The following OCIAD1 variants were observed in gnomAD, a reference collection of about 807,000 sequenced individuals.
OCIAD1 encodes OCIA domain containing 1, also known as OCIA domain-containing protein 1.
A neutral mutation model predicts 38.9 loss-of-function variants in OCIAD1; 29 were observed. The observed-to-expected ratio is 0.74, with a 90% CI of 0.55 to 1.02. The LOEUF (loss-of-function observed/expected upper bound fraction) is 1.02. Ranked by LOEUF, OCIAD1 falls within the 50% of genes least tolerant of loss-of-function variation. OCIAD1 has a pLI of 0.00. For synonymous variants in OCIAD1, 110 were observed against 92.0 expected, an observed-to-expected ratio of 1.20 and a Z score of -1.12; for missense variants, 288 against 289.6, an observed-to-expected ratio of 0.99 and a Z score of 0.04.
upstream of OCIAD1, among the ~76,000 whole-genome samples, chr4:48,826,869 C>G (rs550646777): frequency 4.8e-4 from 73 of 152,260 alleles, no homozygotes; most frequent in Middle Eastern, 3.4e-3. Flanking sequence ...TTTTCTCAAC[C>G]CATTGTAATC....
intron 4 of OCIAD1, among the ~76,000 whole-genome samples, chr4:48,845,209 G>A (rs528819461): frequency 1.3e-5 from 2 of 152,176 alleles, no homozygotes; most frequent in South Asian, 4.2e-4. Flanking sequence ...CCTCATATTT[G>A]AAGCCAGAGG....
At chr4:48,850,790 G>C (rs1021651182) in intron 6 of OCIAD1, among the ~76,000 whole-genome samples, 1 of 152,086 alleles carries the variant, frequency 6.6e-6, no homozygotes, top group Non-Finnish European at 1.5e-5. Flanking sequence ...TACCAGGCTG[G>C]TCTCAAACTC....
In OCIAD1 at chr4:48,832,758, G is replaced by A; in HGVS notation, c.58+76G>A. The A allele has an allele frequency of 2.7e-6, 3 of 1,098,824 alleles. No individual in the cohort carries two copies. In the Admixed American group the frequency reaches 5.1e-5, roughly 19 times the overall value. The allele number at this position is 1,098,824 out of a possible 1,614,324, so 68.1% of individuals were successfully genotyped here. ...ATTTTCACTGCCTTGAGTAACAGTGGCAGGTGGGCTGGCTTCATGGGCATG... is the reference window on the plus strand; with the variant it reads ...ATTTTCACTGCCTTGAGTAACAGTGACAGGTGGGCTGGCTTCATGGGCATG... On this transcript the variant is annotated intron_variant, in intron 2 of 8. Transcript: ENST00000264312.
intron 1 of OCIAD1, among the ~76,000 whole-genome samples, chr4:48,810,208 A>G (rs1186448544): frequency 6.6e-6 from 1 of 152,132 alleles, no homozygotes; most frequent in Non-Finnish European, 1.5e-5. Flanking sequence ...TGTGTTTAAG[A>G]GATGAGATCC....
upstream of OCIAD1, among the ~76,000 whole-genome samples, chr4:48,829,101 A>G (rs898752539): frequency 5.9e-5 from 9 of 152,262 alleles, no homozygotes; most frequent in African/African-American, 1.2e-4. Context: ...CTCTTCTACA[A>G]ATAAAAAAAT....
chr4:48,853,789 A>G (rs978184088), intron 7 of OCIAD1, among the ~76,000 whole-genome samples: 1 of 152,230 alleles, frequency 6.6e-6, no homozygotes, highest in East Asian at 1.9e-4. Flanking sequence ...ATCATTGCAG[A>G]AAGTTATGTT....
chr4:48,815,153 A>G (rs1020082463), intron 1 of OCIAD1, among the ~76,000 whole-genome samples: 6 of 152,074 alleles, frequency 3.9e-5, no homozygotes, highest in African/African-American at 1.4e-4. Flanking sequence ...CTCTACTAAA[A>G]ATACAAAAAA....
In OCIAD1 at chr4:48,850,085, A is replaced by G; in HGVS notation, c.377+3A>G. ...GCACGACGATCTTCACCACCTGGGT[A>G]GGCCAGATTCTGATCTTTACTTAAG... On this transcript the variant is annotated splice_donor_region_variant and intron_variant, in intron 6 of 8. Transcript: ENST00000264312. The G allele has an allele frequency of 6.2e-7, 1 of 1,610,708 alleles. No homozygotes were observed. The highest frequency in any genetic ancestry group is 1.7e-5 in the Admixed American group (1 of 59,126).
upstream of OCIAD1, among the ~76,000 whole-genome samples, chr4:48,828,614 A>G (rs1777275834): frequency 1.3e-5 from 2 of 152,158 alleles, no homozygotes. Context: ...ACCTGGAGGG[A>G]TTAACAACTC....
chr4:48,842,847 C>T (rs1246657983), intron 4 of OCIAD1, among the ~76,000 whole-genome samples, 158 bp downstream of exon 4: 1 of 152,060 alleles, frequency 6.6e-6, no homozygotes, highest in Non-Finnish European at 1.5e-5. Flanking sequence ...TCTGTGGACC[C>T]ACTGGCTCAA....
At chr4:48,839,815 G>A (rs1778363984) in intron 3 of OCIAD1, among the ~76,000 whole-genome samples, 1 of 152,062 alleles carries the variant, frequency 6.6e-6, no homozygotes, top group Non-Finnish European at 1.5e-5. Context: ...CTAGGTTTTG[G>A]TCAGCAGTAT....
At chr4:48,806,856 G>T (rs1347142875) in intron 1 of OCIAD1, among the ~76,000 whole-genome samples, 2 of 152,108 alleles carry the variant, frequency 1.3e-5, no homozygotes, top group Admixed American at 1.3e-4. Context: ...CACCCACCTC[G>T]GCCTCCCGAA....
intron 3 of OCIAD1, among the ~76,000 whole-genome samples, chr4:48,842,395 C>G (rs1019886541): frequency 3.9e-5 from 6 of 152,102 alleles, no homozygotes; most frequent in African/African-American, 1.4e-4. Context: ...GGAACCTAAG[C>G]CTAGATGGTT....
At chr4:48,818,365 G>T (rs182105748) in intron 1 of OCIAD1, among the ~76,000 whole-genome samples, 13 of 152,194 alleles carry the variant, frequency 8.5e-5, no homozygotes, top group Admixed American at 5.2e-4. Flanking sequence ...CGAACAGAAA[G>T]CCACAACATC....
At chr4:48,819,033 A>G (rs1162334703) in intron 1 of OCIAD1, among the ~76,000 whole-genome samples, 5 of 152,228 alleles carry the variant, frequency 3.3e-5, no homozygotes, top group Non-Finnish European at 7.3e-5. Context: ...TCCCCAACCT[A>G]GCAAGACAGG....
At chr4:48,812,266 G>A (rs1181119568) in intron 1 of OCIAD1, among the ~76,000 whole-genome samples, 1 of 99,964 alleles carries the variant, frequency 1.0e-5, no homozygotes, top group African/African-American at 3.9e-5. Flanking sequence ...CTGGGCAACA[G>A]AGTGAGAGTT....
chr4:48,833,933 C>G (rs372720437), intron 3 of OCIAD1, among the ~76,000 whole-genome samples: 1 of 152,068 alleles, frequency 6.6e-6, no homozygotes, highest in East Asian at 1.9e-4. Flanking sequence ...TATATAATAG[C>G]AGATTAGTTC....
intron 1 of OCIAD1, among the ~76,000 whole-genome samples, chr4:48,806,170 G>A (rs1273915645): frequency 6.6e-6 from 1 of 152,050 alleles, no homozygotes; most frequent in Non-Finnish European, 1.5e-5. Flanking sequence ...GGGAGGCTGA[G>A]GCAGGAGAAT....
chr4:48,842,699 T>G lies in OCIAD1; in HGVS notation c.193+10T>G. ...GGATTAATTAGTAAAGGTAAATATT[T>G]AAAATTTGAATTTATTTAGCATTTT... On this transcript the variant is annotated intron_variant, in intron 4 of 8. Coordinates refer to ENST00000264312, the MANE Select transcript of OCIAD1 (RefSeq NM_017830.4). The G allele has an allele frequency of 6.9e-7, 1 of 1,447,944 alleles. No individual in the cohort carries two copies. Among genetic ancestry groups the G allele is most frequent in the Non-Finnish European group, 9.4e-7 (1 of 1,058,328 alleles). 89.7% of individuals were successfully genotyped at this position (1,447,944 alleles called of 1,614,324 possible).
Sources: gnomAD v4.1 joint callset for allele counts (sites outside exome capture counted in the v4.1 genomes callset) on GRCh38, gnomAD v4.1.1 for gene constraint, MANE v1.5 for transcripts, NCBI Gene and HGNC (gene_info 2026-07-23, HGNC 2026-07-21) for gene names.